TMEM233: variants seen among roughly 807,000 people sequenced by gnomAD.
TMEM233 encodes the protein dispanin subfamily B member 2.
A neutral mutation model predicts 11.2 loss-of-function variants in TMEM233; 6 were observed. The ratio of observed to expected loss-of-function variants is 0.54; its 90% CI spans 0.29 to 1.06. The LOEUF (loss-of-function observed/expected upper bound fraction) is 1.06. TMEM233 is among the 50% of genes least tolerant of loss of function. The pLI is 0.08. For synonymous variants in TMEM233, 59 were observed against 55.8 expected, an observed-to-expected ratio of 1.06 and a Z score of -0.26; for missense variants, 127 against 144.7, an observed-to-expected ratio of 0.88 and a Z score of 0.63.
At chr12:119,599,880 A>G (rs1170568274) in intron 1 of TMEM233, among the ~76,000 whole-genome samples, 3 of 152,140 alleles carry the variant, frequency 2.0e-5, no homozygotes, top group African/African-American at 7.2e-5. Flanking sequence ...CAGCTGAGAG[A>G]AGGGTTTAGG....
chr12:119,594,239 G>A lies in TMEM233; in HGVS notation c.186+205G>A, dbSNP rs974095998. The stretch of plus-strand genomic sequence containing the variant: ...CATCAGCACCTCCTCTGCACTCCTC[G>A]TGGTACTCAGAGCCCTGATCAAGCT... On this transcript the variant is annotated intron_variant, in intron 1 of 2. Transcript: ENST00000426426. The surrounding 1 kb of genome is among the most constrained non-coding windows in gnomAD (Gnocchi z 5.6). The A allele has an allele frequency of 1.7e-6, 1 of 583,268 alleles. No homozygotes were observed. Among genetic ancestry groups the A allele is most frequent in the African/African-American group, 1.9e-5 (1 of 53,336 alleles). The allele number at this position is 583,268 out of a possible 1,614,324, so 36.1% of individuals were successfully genotyped here.
chr12:119,602,205 C>T (rs1231403885), intron 1 of TMEM233, among the ~76,000 whole-genome samples: 2 of 151,474 alleles, frequency 1.3e-5, no homozygotes, highest in Non-Finnish European at 2.9e-5. Context: ...ACTGCTCACA[C>T]GTCAAAACTG....
In TMEM233 at chr12:119,594,155, T is replaced by A. The variant is rs1198997757; in HGVS notation, c.186+121T>A. On this transcript the variant is annotated intron_variant, in intron 1 of 2. Transcript: ENST00000426426. This position sits in a 1 kb window ranked among gnomAD's most constrained non-coding sequence, Gnocchi z 5.6. ...CTCACGGCCCGGCCCGCGCTAGGTG[T>A]TCTTTGTCCTCGCACCTCCTCCTCA... The A allele has an allele frequency of 1.0e-6, 1 of 1,002,298 alleles. No individual in the cohort carries two copies. The highest frequency in any genetic ancestry group is 1.4e-6 in the Non-Finnish European group (1 of 690,528). 62.1% of individuals were successfully genotyped at this position (1,002,298 alleles called of 1,614,324 possible).
intron 2 of TMEM233, among the ~76,000 whole-genome samples, chr12:119,633,721 C>T (rs1338707996): frequency 6.6e-6 from 1 of 152,198 alleles, no homozygotes; most frequent in African/African-American, 2.4e-5. Context: ...AGAATGAAAT[C>T]AATTCTCTCT....
chr12:119,644,833 T>C (rs145922159), downstream of TMEM233, among the ~76,000 whole-genome samples: 1 of 152,306 alleles, frequency 6.6e-6, no homozygotes, highest in East Asian at 1.9e-4. Context: ...CAGCTCCTTC[T>C]CTGACCAGTA....
At chr12:119,640,321 AT>A (rs1257216505) in intron 2 of TMEM233, among the ~76,000 whole-genome samples, 3 of 151,422 alleles carry the variant, frequency 2.0e-5, no homozygotes, top group Non-Finnish European at 2.9e-5. Flanking sequence ...CGCCCGGCTA[AT>A]TTTTTTTGTA....
At chr12:119,631,133 G>A (rs1329878215) in intron 2 of TMEM233, 1 of 152,238 alleles carries the variant, frequency 6.6e-6, no homozygotes, top group Non-Finnish European at 1.5e-5. Flanking sequence ...GTCTTGCTGT[G>A]TAATTTCTGG....
chr12:119,638,395 C>T (rs556313605), intron 2 of TMEM233, among the ~76,000 whole-genome samples: 24 of 152,072 alleles, frequency 1.6e-4, no homozygotes, highest in Non-Finnish European at 1.9e-4. Flanking sequence ...CCCAAGAGGT[C>T]GAGGGTGCAG....
chr12:119,615,945 T>A (rs1340817786), intron 1 of TMEM233, among the ~76,000 whole-genome samples: 1 of 152,206 alleles, frequency 6.6e-6, no homozygotes, highest in Non-Finnish European at 1.5e-5. Flanking sequence ...GCAACCTTTT[T>A]GAGGTTCAGC....
At chr12:119,619,891 G>A (rs1449852717) in intron 1 of TMEM233, among the ~76,000 whole-genome samples, 1 of 152,142 alleles carries the variant, frequency 6.6e-6, no homozygotes, top group African/African-American at 2.4e-5. Context: ...GTTGCACAGT[G>A]CTGGTTCATA....
At chr12:119,645,859 G>T (rs1435825920), downstream of TMEM233, among the ~76,000 whole-genome samples, 1 of 152,172 alleles carries the variant, frequency 6.6e-6, no homozygotes, top group African/African-American at 2.4e-5. Flanking sequence ...AGGTCACGTG[G>T]AATCCCATGC....
At chr12:119,621,705 C>G (rs560811855) in intron 1 of TMEM233, among the ~76,000 whole-genome samples, 2 of 152,320 alleles carry the variant, frequency 1.3e-5, no homozygotes, top group Admixed American at 6.5e-5. Flanking sequence ...AAACATTTAA[C>G]ACAGTGTCTG....
At chr12:119,609,461 C>T (rs1177875861) in intron 1 of TMEM233, among the ~76,000 whole-genome samples, 2 of 152,204 alleles carry the variant, frequency 1.3e-5, no homozygotes, top group African/African-American at 2.4e-5. Context: ...ATCACCAAGA[C>T]AATGGGCAAA....
chr12:119,646,532 G>C (rs1412792855), downstream of TMEM233, among the ~76,000 whole-genome samples: 10 of 152,256 alleles, frequency 6.6e-5, no homozygotes, highest in Admixed American at 6.5e-4. Context: ...AGTTCGTAGA[G>C]AGAATCCCTT....
intron 1 of TMEM233, among the ~76,000 whole-genome samples, chr12:119,596,789 G>A (rs765437569): frequency 2.0e-5 from 3 of 152,060 alleles, no homozygotes; most frequent in African/African-American, 4.8e-5. Flanking sequence ...CACTGCGCCC[G>A]GCCAAGTTTT....
chr12:119,640,437 T>C (rs1955063509), intron 2 of TMEM233, among the ~76,000 whole-genome samples: 1 of 152,208 alleles, frequency 6.6e-6, no homozygotes, highest in African/African-American at 2.4e-5. Flanking sequence ...ATTACAGGCG[T>C]GAGCCACCAT....
chr12:119,601,436 C>G (rs945920869), intron 1 of TMEM233, among the ~76,000 whole-genome samples: 10 of 152,012 alleles, frequency 6.6e-5, no homozygotes, highest in African/African-American at 2.4e-4. Flanking sequence ...GCGGGCGGAT[C>G]ACGAGGTCAG....
chr12:119,595,989 G>A lies in TMEM233; in HGVS notation c.186+1955G>A, dbSNP rs964871483. 2.0e-5 allele frequency among the ~76,000 whole-genome samples: 3 copies of A among 152,220 alleles called. No individual in the cohort carries two copies. Among genetic ancestry groups the A allele is most frequent in the African/African-American group, 7.2e-5 (3 of 41,462 alleles). Reference sequence around the variant, plus strand: ...GTGGTAGATGCTTAATAAGTATCATGAAATGAATGCATGCATGAATGAATG... The same window carrying A: ...GTGGTAGATGCTTAATAAGTATCATAAAATGAATGCATGCATGAATGAATG... On this transcript the variant is annotated intron_variant, in intron 1 of 2. Coordinates refer to ENST00000426426, the MANE Select transcript of TMEM233 (RefSeq NM_001136534.3). This position sits in a 1 kb window ranked among gnomAD's most constrained non-coding sequence, Gnocchi z 4.3.
At chr12:119,640,221 C>T (rs1447179785) in intron 2 of TMEM233, among the ~76,000 whole-genome samples, 1 of 152,202 alleles carries the variant, frequency 6.6e-6, no homozygotes, top group African/African-American at 2.4e-5. Flanking sequence ...GTGGCACAAT[C>T]TCGGCTCACT....
Sources: allele counts gnomAD v4.1 joint callset (sites outside exome capture counted in the v4.1 genomes callset), GRCh38; gene constraint gnomAD v4.1.1; non-coding constraint Gnocchi (gnomAD v3.1); transcripts MANE v1.5; gene names NCBI Gene and HGNC (gene_info 2026-07-23, HGNC 2026-07-21).